Variants in CWH43 observed in about 807,000 individuals in gnomAD.
CWH43 encodes PGAP2-interacting protein.
A neutral mutation model predicts 85.7 loss-of-function variants in CWH43; 91 were observed. The observed-to-expected ratio is 1.06, with a 90% CI of 0.90 to 1.26. CWH43 has a LOEUF of 1.26. CWH43 is among the 50% of genes most tolerant of loss of function. CWH43 has a pLI of 0.00. For synonymous variants in CWH43, 323 were observed against 293.6 expected, an observed-to-expected ratio of 1.10 and a Z score of -1.02; for missense variants, 869 against 839.2, an observed-to-expected ratio of 1.04 and a Z score of -0.44.
At chr4:49,036,914 C>T (rs527871325) in intron 12 of CWH43, among the ~76,000 whole-genome samples, 1 of 152,286 alleles carries the variant, frequency 6.6e-6, no homozygotes, top group African/African-American at 2.4e-5. Flanking sequence ...CTACATCTCC[C>T]ACTAGTCGGT....
chr4:49,034,834 CA>C (rs2109812167), intron 12 of CWH43, among the ~76,000 whole-genome samples: 1 of 152,242 alleles, frequency 6.6e-6, no homozygotes, highest in African/African-American at 2.4e-5. Context: ...TTCTTGTGCC[CA>C]TATTACCTCA....
chr4:49,045,537 G>A (rs1301282474), intron 14 of CWH43, among the ~76,000 whole-genome samples: 1 of 151,994 alleles, frequency 6.6e-6, no homozygotes, highest in African/African-American at 2.4e-5. Flanking sequence ...TACTTACCAT[G>A]GTGTTACAGT....
At position 48,992,078 on chromosome 4, in the gene CWH43, C is replaced by T. The variant is rs771090704; in HGVS notation, c.499C>T (p.Arg167Cys). Residue 167 changes from arginine to cysteine, a missense_variant, in exon 4 of 16, where the codon CGT becomes TGT. Arg to Cys is a radical substitution (Grantham distance 180, BLOSUM62 -3). Transcript: ENST00000226432. This position sits in a 1 kb window ranked among gnomAD's most constrained non-coding sequence, Gnocchi z 4.3. ...LTLSAIATLD[R>C]IGTDGDCSKP... is the part of the protein sequence containing the mutation. ...ATTAAGTGCCATAGCCACACTTGAT[C>T]GTATTGGCACAGGTAATACTGTAAC... 16 of 1,613,460 alleles carry T rather than the reference C, an allele frequency of 9.9e-6. No individual in the cohort carries two copies. The highest frequency in any genetic ancestry group is 2.2e-5 in the East Asian group (1 of 44,870).
chr4:48,987,202 G>T (rs1782522084), intron 1 of CWH43, among the ~76,000 whole-genome samples: 1 of 152,078 alleles, frequency 6.6e-6, no homozygotes, highest in Admixed American at 6.6e-5. Flanking sequence ...CTGGGAGCTG[G>T]TAATTCTCGG....
intron 11 of CWH43, chr4:49,031,316 T>G: frequency 1.8e-5 from 3 of 166,626 alleles, no homozygotes; most frequent in East Asian, 1.7e-4. Flanking sequence ...TGATAAGCGC[T>G]GTGTAGAAAA....
chr4:49,051,933 G>A (rs766941903), intron 15 of CWH43, among the ~76,000 whole-genome samples: 2 of 152,136 alleles, frequency 1.3e-5, no homozygotes, highest in Non-Finnish European at 2.9e-5. Flanking sequence ...GTTGGAGTAT[G>A]TGCTCTTTTC....
chr4:49,039,306 G>GATATATGTATATATATATATATAT (rs1784363753), intron 13 of CWH43, among the ~76,000 whole-genome samples: 1 of 4,592 alleles, frequency 2.2e-4, no homozygotes, highest in Non-Finnish European at 6.1e-4. Flanking sequence ...TCAGGAGACT[G>GATATATGTATATATATATATATAT]ATATATATAT....
intron 9 of CWH43, among the ~76,000 whole-genome samples, chr4:49,018,062 T>C (rs570212873): frequency 1.3e-5 from 2 of 151,916 alleles, no homozygotes; most frequent in South Asian, 2.1e-4. Flanking sequence ...ATGGTCTTGA[T>C]TTCCTGACCT....
intron 9 of CWH43, among the ~76,000 whole-genome samples, chr4:49,022,518 T>C (rs1348285283): frequency 6.6e-6 from 1 of 152,140 alleles, no homozygotes; most frequent in East Asian, 1.9e-4. Context: ...TTCTTTTTTG[T>C]TACATCCTTT....
At chr4:48,993,915 C>T (rs778196959) in intron 4 of CWH43, among the ~76,000 whole-genome samples, 6 of 151,772 alleles carry the variant, frequency 4.0e-5, no homozygotes, top group South Asian at 2.1e-4. Flanking sequence ...CCACCGTGCC[C>T]GGCTAACTTT....
At chr4:49,003,621 C>T in intron 6 of CWH43, 114 bp from the exon 7 acceptor site, 2 of 977,718 alleles carry the variant, frequency 2.0e-6, no homozygotes, top group Non-Finnish European at 3.1e-6. Context: ...TCTCATCTGT[C>T]TGGAGATTGG....
intron 15 of CWH43, among the ~76,000 whole-genome samples, chr4:49,060,885 T>G (rs992761112): frequency 2.0e-5 from 3 of 152,202 alleles, no homozygotes; most frequent in African/African-American, 7.2e-5. Context: ...GTATGACACA[T>G]ATATGTATGT....
intron 13 of CWH43, among the ~76,000 whole-genome samples, chr4:49,044,002 TA>T (rs1784547481): frequency 6.6e-6 from 1 of 152,150 alleles, no homozygotes; most frequent in African/African-American, 2.4e-5. Flanking sequence ...TTTAGTGATC[TA>T]AAAATGTGTT....
chr4:49,026,203 G>A (rs1259458104), intron 9 of CWH43, among the ~76,000 whole-genome samples: 1 of 152,272 alleles, frequency 6.6e-6, no homozygotes, highest in African/African-American at 2.4e-5. Flanking sequence ...CACTCCAACC[G>A]TGCCCCCACA....
intron 10 of CWH43, among the ~76,000 whole-genome samples, chr4:49,029,353 G>A (rs1161105411): frequency 6.6e-6 from 1 of 152,162 alleles, no homozygotes; most frequent in Non-Finnish European, 1.5e-5. Flanking sequence ...AAAAGTCATC[G>A]CCATTCTCCA....
chr4:49,058,217 G>A (rs751475871), intron 15 of CWH43, among the ~76,000 whole-genome samples: 14 of 152,042 alleles, frequency 9.2e-5, no homozygotes, highest in Non-Finnish European at 1.5e-4. Context: ...TTTGGTAACA[G>A]TATGCTTTGA....
At chr4:49,042,162 T>C (rs1233246881) in intron 13 of CWH43, among the ~76,000 whole-genome samples, 2 of 152,126 alleles carry the variant, frequency 1.3e-5, no homozygotes, top group Non-Finnish European at 2.9e-5. Flanking sequence ...GAGGCTCAAC[T>C]AGGGACTGGA....
intron 1 of CWH43, 120 bp from the exon 2 acceptor site, chr4:48,988,357 T>C: frequency 1.5e-6 from 1 of 673,088 alleles, no homozygotes; most frequent in South Asian, 2.5e-5. Flanking sequence ...GGAACCCAGT[T>C]CAGGCCAGAG....
intron 9 of CWH43, among the ~76,000 whole-genome samples, chr4:49,020,384 T>TACACACACAC (rs35489918): frequency 1.2e-4 from 14 of 120,164 alleles, no homozygotes; most frequent in African/African-American, 2.8e-4. Flanking sequence ...AGTATTCCAT[T>TACACACACAC]ACACACACAC....
Sources: gnomAD v4.1 joint callset for allele counts (sites outside exome capture counted in the v4.1 genomes callset) on GRCh38, gnomAD v4.1.1 for gene constraint, Gnocchi (gnomAD v3.1) non-coding constraint, MANE v1.5 for transcripts, NCBI Gene and HGNC (gene_info 2026-07-23, HGNC 2026-07-21) for gene names.